The following SPATA7 variants were observed in gnomAD, a reference collection of about 807,000 sequenced individuals.
SPATA7 encodes the protein spermatogenesis associated 7.
Under a neutral mutation model 51.8 loss-of-function variants are expected in SPATA7, and 43 were observed. That is an observed-to-expected ratio of 0.83 (90% CI 0.65 to 1.07). The LOEUF (loss-of-function observed/expected upper bound fraction) is 1.07, where lower values mean the gene tolerates loss of function less well. Ranked by LOEUF, SPATA7 falls within the 50% of genes least tolerant of loss-of-function variation. SPATA7 has a pLI of 0.00. For missense variants in SPATA7, 683 were observed against 701.3 expected (o/e 0.97, Z 0.30); for synonymous variants, 230 against 252.8 (o/e 0.91, Z 0.86).
rs779508105 is a variant in SPATA7, at chr14:88,426,397, C to T, written c.538C>T (p.Pro180Ser). 37 of 1,614,050 alleles carry T rather than the reference C, an allele frequency of 2.3e-5. No homozygotes were observed. The highest frequency in any genetic ancestry group is 3.1e-5 in the Non-Finnish European group (37 of 1,180,016). ...TCCTGAGAAGAACTCCAGTTCCTCC[C>T]CGTCCAGTGTGGATTATGCAGCCTC... ...NGPEKNSSSS[P>S]SSVDYAASGP... Residue 180 changes from proline to serine, a missense_variant, in exon 6 of 12, where the codon CCG becomes TCG. Coordinates refer to ENST00000393545, the MANE Select transcript of SPATA7 (RefSeq NM_018418.5).
chr14:88,390,192 A>G (rs555967078), intron 1 of SPATA7, among the ~76,000 whole-genome samples: 1 of 152,320 alleles, frequency 6.6e-6, no homozygotes, highest in Admixed American at 6.5e-5. Flanking sequence ...TTACCACTCA[A>G]TAAATTAGCC....
In SPATA7 at chr14:88,385,768, G is replaced by A. The variant is rs73319841; in HGVS notation, c.-51G>A. The A allele has an allele frequency of 1.3e-4, 204 of 1,568,098 alleles. 1 individual carries two copies. In the African/African-American group the frequency reaches 2.6e-3, roughly 20 times the overall value. Reference sequence around the variant, plus strand: ...CCGGGGCTGGGCCCGGCCGCGGGAAGGACCGAAGGGGATACAGCGTGTCCC... The same window carrying A: ...CCGGGGCTGGGCCCGGCCGCGGGAAAGACCGAAGGGGATACAGCGTGTCCC... On this transcript the variant is annotated 5_prime_UTR_variant, in exon 1 of 12. Transcript: ENST00000393545.
chr14:88,421,363 T>C (rs965374982), intron 5 of SPATA7, among the ~76,000 whole-genome samples: 5 of 151,980 alleles, frequency 3.3e-5, no homozygotes, highest in Non-Finnish European at 1.5e-5. Context: ...CTAGCACCCA[T>C]GATGTGGTTT....
chr14:88,396,875 C>CTTTTTTTT (rs59603961), intron 4 of SPATA7, among the ~76,000 whole-genome samples: 1 of 138,538 alleles, frequency 7.2e-6, no homozygotes, highest in Non-Finnish European at 1.5e-5. Flanking sequence ...TTTCTTTTTT[C>CTTTTTTTT]TTTTTTTTTT....
chr14:88,401,496 A>C (rs1390223192), intron 4 of SPATA7, among the ~76,000 whole-genome samples: 1 of 152,186 alleles, frequency 6.6e-6, no homozygotes, highest in Non-Finnish European at 1.5e-5. Context: ...AGTCCTAGCC[A>C]GAGCAATTAG....
chr14:88,387,826 GGAAGGTGAAGA>G (rs1468885295), intron 1 of SPATA7, among the ~76,000 whole-genome samples: 2 of 152,116 alleles, frequency 1.3e-5, no homozygotes, highest in African/African-American at 2.4e-5. Context: ...TTCCTATGGG[GGAAGGTGAAGA>G]AAAGATTGAG....
At chr14:88,446,993 A>T (rs946291874) in intron 3 of SPATA7, among the ~76,000 whole-genome samples, 1 of 152,152 alleles carries the variant, frequency 6.6e-6, no homozygotes, top group African/African-American at 2.4e-5. Flanking sequence ...GTAGATGTCT[A>T]TTATGTCTGC....
downstream of SPATA7, chr14:88,438,528 A>G: frequency 1.1e-6 from 1 of 946,110 alleles, no homozygotes; most frequent in Admixed American, 2.0e-5. Context: ...TGCTGCAATA[A>G]TAAGTTACCA....
chr14:88,389,097 A>G (rs926910850), intron 1 of SPATA7, among the ~76,000 whole-genome samples: 23 of 152,104 alleles, frequency 1.5e-4, no homozygotes, highest in Non-Finnish European at 2.9e-5. Context: ...GCAAAAAAAC[A>G]AAAACAAAAA....
chr14:88,464,713 G>T (rs1309202327), intron 4 of SPATA7, among the ~76,000 whole-genome samples: 2 of 152,006 alleles, frequency 1.3e-5, no homozygotes, highest in African/African-American at 4.8e-5. Flanking sequence ...CTGGGTGACA[G>T]AACGAAACTC....
At chr14:88,408,142 TG>T (rs1336253867) in intron 4 of SPATA7, among the ~76,000 whole-genome samples, 8 of 152,218 alleles carry the variant, frequency 5.3e-5, no homozygotes, top group Non-Finnish European at 1.2e-4. Context: ...TCTAATTCTG[TG>T]AAGAAAGTCA....
chr14:88,425,461 T>G (rs2076762714), intron 5 of SPATA7, among the ~76,000 whole-genome samples: 1 of 152,118 alleles, frequency 6.6e-6, no homozygotes, highest in South Asian at 2.1e-4. Flanking sequence ...GCCTCAGAGT[T>G]TTGCAAAGGA....
downstream of SPATA7, among the ~76,000 whole-genome samples, chr14:88,457,284 G>T (rs2077290147): frequency 6.6e-6 from 1 of 152,168 alleles, no homozygotes; most frequent in African/African-American, 2.4e-5. Flanking sequence ...AGCTTGATGA[G>T]GGTGGCATTG....
intron 10 of SPATA7, among the ~76,000 whole-genome samples, chr14:88,434,895 C>T (rs2077043402): frequency 6.6e-6 from 1 of 151,856 alleles, no homozygotes; most frequent in South Asian, 2.1e-4. Flanking sequence ...TTCAGAACTA[C>T]TAACTCTGAG....
intron 3 of SPATA7, among the ~76,000 whole-genome samples, chr14:88,443,886 A>T (rs369032721): frequency 2.6e-5 from 4 of 152,090 alleles, no homozygotes; most frequent in Non-Finnish European, 4.4e-5. Context: ...TCTATCATTG[A>T]TGGACATTTG....
chr14:88,454,487 A>G (rs2140053262), intron 3 of SPATA7, among the ~76,000 whole-genome samples: 1 of 152,306 alleles, frequency 6.6e-6, no homozygotes, highest in South Asian at 2.1e-4. Context: ...TACCATGACT[A>G]TAAATATCAT....
chr14:88,461,033 G>C (rs1346103866), intron 4 of SPATA7, among the ~76,000 whole-genome samples: 1 of 152,216 alleles, frequency 6.6e-6, no homozygotes, highest in Non-Finnish European at 1.5e-5. Context: ...ACATATTGCT[G>C]AACAGCAAAT....
In SPATA7 at chr14:88,426,241, G is replaced by A. The variant is rs768713530; in HGVS notation, c.382G>A (p.Glu128Lys). Reference sequence around the variant, plus strand: ...TATCGAATGTTCTTAGCCCTCAGGCGAACCGCAAATTGAGGATGACATGTT... The same window carrying A: ...TATCGAATGTTCTTAGCCCTCAGGCAAACCGCAAATTGAGGATGACATGTT... ...LFNTLQKPSG[E>K]PQIEDDMLKE... is the part of the protein sequence containing the mutation. Residue 128 changes from glutamate (E) to lysine (K), a missense_variant, in exon 6 of 12, where the codon GAA becomes AAA. Coordinates refer to ENST00000393545, the MANE Select transcript of SPATA7 (RefSeq NM_018418.5). 30 of 1,613,162 alleles carry A rather than the reference G, an allele frequency of 1.9e-5. No homozygotes were observed. The Admixed American group carries it at 3.2e-4, about 17-fold the overall frequency.
chr14:88,428,945 T>G (rs1164415523), intron 7 of SPATA7: 1 of 202,892 alleles, frequency 4.9e-6, no homozygotes, highest in African/African-American at 2.4e-5. Context: ...TTAATATTAT[T>G]GTTCATGCTG....
Sources: gnomAD v4.1 joint callset for allele counts (sites outside exome capture counted in the v4.1 genomes callset) on GRCh38, gnomAD v4.1.1 for gene constraint, MANE v1.5 for transcripts, NCBI Gene and HGNC (gene_info 2026-07-23, HGNC 2026-07-21) for gene names.